The following MAF variants were observed in gnomAD, a reference collection of about 807,000 sequenced individuals.
MAF encodes the protein transcription factor Maf.
A neutral mutation model predicts 22.0 loss-of-function variants in MAF; 10 were observed. That is an observed-to-expected ratio of 0.45 (90% CI 0.28 to 0.77). MAF has a LOEUF of 0.77. Among genes scored for constraint, MAF ranks in the 30% least tolerant of loss-of-function variants. The probability of loss-of-function intolerance (pLI) is 0.12; values close to 1 mark genes in which losing one functional copy is unlikely to be tolerated. For missense variants in MAF, 544 were observed against 548.4 expected (o/e 0.99, Z 0.08); for synonymous variants, 337 against 255.8 (o/e 1.32, Z -3.03).
chr16:79,543,252 A>C, the MAF span, among the ~76,000 whole-genome samples: 9 of 152,230 alleles, frequency 5.9e-5, no homozygotes, highest in East Asian at 1.7e-3. Flanking sequence ...ATGATTCCCC[A>C]GTATCTTGGA....
chr16:79,310,201 T>G, the MAF span, among the ~76,000 whole-genome samples: 1 of 152,188 alleles, frequency 6.6e-6, no homozygotes, highest in Non-Finnish European at 1.5e-5. Flanking sequence ...GGTCAATCCC[T>G]GACTTGGTGC....
the MAF span, among the ~76,000 whole-genome samples, chr16:79,286,174 CT>C: frequency 6.6e-6 from 1 of 151,916 alleles, no homozygotes; most frequent in Non-Finnish European, 1.5e-5. Flanking sequence ...TTTTAAAATA[CT>C]TTTAAAATAC....
chr16:79,399,581 T>G, the MAF span, among the ~76,000 whole-genome samples: 1 of 152,128 alleles, frequency 6.6e-6, no homozygotes, highest in African/African-American at 2.4e-5. Context: ...TTTTAAAAAA[T>G]CAGGGGCTTG....
Position 79,600,496 on chromosome 16 carries a change from CCT to C in MAF, c.-596_-595del. On this transcript the variant is annotated 5_prime_UTR_variant, in exon 1 of 2. Transcript: ENST00000326043. Reference sequence around the variant, plus strand: ...GCTCTCTTTATTATTTTTTTTCTTTCCTCTCTCTCCCTCGCGCGCTCTCTACC... The same window carrying C: ...GCTCTCTTTATTATTTTTTTTCTTTCCTCTCTCCCTCGCGCGCTCTCTACC... 5.1e-6 allele frequency: 1 copy of C among 194,276 alleles called. No homozygotes were observed. Among genetic ancestry groups the C allele is most frequent in the East Asian group, 9.2e-5 (1 of 10,902 alleles). 12.0% of individuals were successfully genotyped at this position (194,276 alleles called of 1,614,324 possible). A position where few individuals can be genotyped will look rare whatever the true frequency, so the allele number is the denominator to read the frequency against.
At chr16:79,277,198 T>C in the MAF span, among the ~76,000 whole-genome samples, 1 of 152,110 alleles carries the variant, frequency 6.6e-6, no homozygotes, top group African/African-American at 2.4e-5. Context: ...TAATTGAATC[T>C]AGGACACGTG....
At chr16:79,537,430 T>A in the MAF span, among the ~76,000 whole-genome samples, 2 of 148,718 alleles carry the variant, frequency 1.3e-5, no homozygotes, top group Non-Finnish European at 3.0e-5. Flanking sequence ...GAGGCACTAT[T>A]GCAATGCCCA....
the MAF span, among the ~76,000 whole-genome samples, chr16:79,208,443 T>TATTA: frequency 6.6e-6 from 1 of 152,180 alleles, no homozygotes; most frequent in Non-Finnish European, 1.5e-5. Flanking sequence ...GTCAAGGTAT[T>TATTA]ATTATTTATC....
the MAF span, among the ~76,000 whole-genome samples, chr16:79,327,570 G>C: frequency 6.6e-6 from 1 of 152,202 alleles, no homozygotes; most frequent in Non-Finnish European, 1.5e-5. Context: ...CTATAGGTGA[G>C]TCAGCTCCAC....
the MAF span, among the ~76,000 whole-genome samples, chr16:79,368,059 C>G: frequency 6.6e-6 from 1 of 152,170 alleles, no homozygotes; most frequent in Non-Finnish European, 1.5e-5. Context: ...AAGGCCTGCT[C>G]AGAGGCTAGA....
At chr16:79,590,610 A>T (rs933361374), downstream of MAF, among the ~76,000 whole-genome samples, 1 of 152,002 alleles carries the variant, frequency 6.6e-6, no homozygotes, top group African/African-American at 2.4e-5. Flanking sequence ...GGTGCTAAGG[A>T]CGTCACTGTT....
the MAF span, among the ~76,000 whole-genome samples, chr16:79,209,538 G>A: frequency 0.11 from 17,235 of 152,174 alleles, 1,360 homozygotes; most frequent in African/African-American, 0.22. Context: ...ACTTGAAATG[G>A]GTGAGCTGGA....
chr16:79,295,940 G>T, the MAF span, among the ~76,000 whole-genome samples: 1 of 152,230 alleles, frequency 6.6e-6, no homozygotes, highest in African/African-American at 2.4e-5. Context: ...TCTGCTCTGG[G>T]CCTTCCTAAA....
the MAF span, among the ~76,000 whole-genome samples, chr16:79,491,439 G>T: frequency 6.6e-6 from 1 of 152,256 alleles, no homozygotes; most frequent in South Asian, 2.1e-4. Flanking sequence ...TTGAACACAA[G>T]AAACAGGCAG....
chr16:79,214,153 C>G, the MAF span, among the ~76,000 whole-genome samples: 1 of 152,044 alleles, frequency 6.6e-6, no homozygotes, highest in East Asian at 1.9e-4. Context: ...ATTCTTATTC[C>G]CCTTCCCCTC....
At chr16:79,598,269 A>G (rs1033150589) in intron 1 of MAF, 324 of 1,070,864 alleles carry the variant, frequency 3.0e-4, no homozygotes, top group Admixed American at 2.8e-4. Context: ...AAAATTAAAA[A>G]AAAAAATCCA....
the MAF span, among the ~76,000 whole-genome samples, chr16:79,429,793 T>C: frequency 3.9e-5 from 6 of 152,168 alleles, no homozygotes; most frequent in Admixed American, 2.0e-4. Context: ...ATTGGACCTG[T>C]GCTTTCTGCA....
the MAF span, among the ~76,000 whole-genome samples, chr16:79,214,780 T>G: frequency 1.4e-5 from 2 of 146,588 alleles, no homozygotes; most frequent in African/African-American, 5.1e-5. Context: ...TGGCGTGATT[T>G]TGGCTCACTG....
At chr16:79,221,521 A>C in the MAF span, among the ~76,000 whole-genome samples, 48 of 152,358 alleles carry the variant, frequency 3.2e-4, no homozygotes, top group African/African-American at 1.1e-3. Context: ...AGCAAATATT[A>C]ATAGTAAAAA....
chr16:79,304,437 T>C, the MAF span, among the ~76,000 whole-genome samples: 2 of 152,192 alleles, frequency 1.3e-5, no homozygotes, highest in African/African-American at 4.8e-5. Flanking sequence ...TCCAGAGTCT[T>C]TTTTTAAAAA....
Sources: gnomAD v4.1 joint callset for allele counts (sites outside exome capture counted in the v4.1 genomes callset) on GRCh38, gnomAD v4.1.1 for gene constraint, MANE v1.5 for transcripts, NCBI Gene and HGNC (gene_info 2026-07-23, HGNC 2026-07-21) for gene names.